WDFY2: variants seen among roughly 807,000 people sequenced by gnomAD.
WDFY2 encodes the protein WD repeat and FYVE domain-containing protein 2.
Under a neutral mutation model 56.4 loss-of-function variants are expected in WDFY2, and 36 were observed. The ratio of observed to expected loss-of-function variants is 0.64; its 90% CI spans 0.49 to 0.84. The LOEUF is 0.84. Among genes scored for constraint, WDFY2 ranks in the 40% least tolerant of loss-of-function variants. The pLI is 0.00. For missense variants in WDFY2, 444 were observed against 512.2 expected (o/e 0.87, Z 1.29); for synonymous variants, 176 against 183.7 (o/e 0.96, Z 0.34).
chr13:51,639,588 T>C (rs918680697), intron 1 of WDFY2, among the ~76,000 whole-genome samples: 1 of 152,156 alleles, frequency 6.6e-6, no homozygotes, highest in Admixed American at 6.5e-5. Context: ...TTGTGAGAAA[T>C]GGTTAGTCTT....
At chr13:51,670,821 CT>C (rs751939016) in intron 2 of WDFY2, among the ~76,000 whole-genome samples, 2 of 152,078 alleles carry the variant, frequency 1.3e-5, no homozygotes, top group African/African-American at 2.4e-5. Context: ...TTTCATGCCC[CT>C]ATCACCCGAC....
At chr13:51,737,901 G>A (rs1477531130) in intron 6 of WDFY2, among the ~76,000 whole-genome samples, 1 of 152,236 alleles carries the variant, frequency 6.6e-6, no homozygotes, top group Admixed American at 6.5e-5. Context: ...AGCATGGGGT[G>A]CAGGTTTAGG....
In WDFY2 at chr13:51,660,853, C is replaced by G. The variant is rs532768835; in HGVS notation, c.205+190C>G. Among the ~76,000 whole-genome samples the G allele has an allele frequency of 1.4e-3, 215 of 152,314 alleles. 2 individuals carry two copies. Among genetic ancestry groups the G allele is most frequent in the African/African-American group, 5.1e-3 (210 of 41,578 alleles). ...TAAGAAAATTGTTCTGAAATTGACT[C>G]TATATTCATAGCTTCTGAATAAGAT... On this transcript the variant is annotated intron_variant, in intron 2 of 11. Coordinates refer to ENST00000298125, the MANE Select transcript of WDFY2 (RefSeq NM_052950.4).
chr13:51,669,716 G>A (rs1172633114), intron 2 of WDFY2, among the ~76,000 whole-genome samples: 1 of 152,120 alleles, frequency 6.6e-6, no homozygotes, highest in Non-Finnish European at 1.5e-5. Context: ...AAAACCAGTA[G>A]CAAGGCCTTG....
intron 1 of WDFY2, among the ~76,000 whole-genome samples, chr13:51,597,734 T>C (rs565205222): frequency 5.8e-4 from 88 of 152,344 alleles, no homozygotes; most frequent in African/African-American, 1.4e-3. Context: ...ATAATCATAG[T>C]ACAAAAGAAG....
intron 4 of WDFY2, among the ~76,000 whole-genome samples, chr13:51,708,603 A>G (rs1433737902): frequency 6.6e-6 from 1 of 151,984 alleles, no homozygotes; most frequent in Non-Finnish European, 1.5e-5. Context: ...GCAGACTAAG[A>G]GGAAAAAAGG....
rs138129235 is a variant in WDFY2 at position 51,660,604 on chromosome 13, G to A, written c.146G>A (p.Arg49His). The A allele has an allele frequency of 2.1e-5, 34 of 1,613,550 alleles. 1 individual carries two copies. The highest frequency in any genetic ancestry group is 1.5e-4 in the African/African-American group (11 of 74,860). Residue 49 changes from arginine to histidine, a missense_variant, in exon 2 of 12, where the codon CGT becomes CAT. Physicochemically the swap from Arg to His is conservative, Grantham distance 29 (BLOSUM62 0). Transcript: ENST00000298125. Reference sequence around the variant, plus strand: ...ATTTTCTTCTGTTGTAGGACAGTTCGTGTTTGGTTAAAGAGAGACAGTGGA... The same window carrying A: ...ATTTTCTTCTGTTGTAGGACAGTTCATGTTTGGTTAAAGAGAGACAGTGGA... The part of the protein sequence containing the change: ...VISVSEDRTV[R>H]VWLKRDSGQY...
chr13:51,754,185 T>C (rs1048052185), intron 8 of WDFY2, among the ~76,000 whole-genome samples: 2 of 151,860 alleles, frequency 1.3e-5, no homozygotes, highest in African/African-American at 4.8e-5. Flanking sequence ...AGCTCTCCCA[T>C]CCTGCTGTTT....
chr13:51,642,294 A>G (rs1270730942), intron 1 of WDFY2, among the ~76,000 whole-genome samples: 1 of 150,486 alleles, frequency 6.6e-6, no homozygotes, highest in Non-Finnish European at 1.5e-5. Context: ...ATTTTATTTT[A>G]TTTTGTTTTT....
intron 3 of WDFY2, among the ~76,000 whole-genome samples, chr13:51,686,808 A>G (rs1956069081): frequency 6.6e-6 from 1 of 151,938 alleles, no homozygotes; most frequent in Non-Finnish European, 1.5e-5. Flanking sequence ...GTACTGTTCT[A>G]TTTTTCAGTA....
At chr13:51,652,533 T>C (rs952669499) in intron 1 of WDFY2, among the ~76,000 whole-genome samples, 36 of 152,272 alleles carry the variant, frequency 2.4e-4, no homozygotes, top group African/African-American at 8.2e-4. Flanking sequence ...GTCTTTGCAG[T>C]GGCTGGTATT....
intron 1 of WDFY2, among the ~76,000 whole-genome samples, chr13:51,657,431 A>G (rs1429546019): frequency 6.6e-6 from 1 of 152,006 alleles, no homozygotes; most frequent in Non-Finnish European, 1.5e-5. Context: ...CAGCCTGAAA[A>G]ACTCCTTTTA....
At chr13:51,647,250 G>A (rs1955279478) in intron 1 of WDFY2, among the ~76,000 whole-genome samples, 1 of 152,120 alleles carries the variant, frequency 6.6e-6, no homozygotes, top group Non-Finnish European at 1.5e-5. Context: ...AGGCAGTTTA[G>A]TCATTGTGTG....
chr13:51,754,270 C>T (rs1471756519), intron 8 of WDFY2, among the ~76,000 whole-genome samples: 4 of 152,070 alleles, frequency 2.6e-5, no homozygotes, highest in Non-Finnish European at 2.9e-5. Context: ...AAACAAAGGG[C>T]GTGTAGACTG....
chr13:51,641,825 C>CAAAAAAA (rs750489541), intron 1 of WDFY2, among the ~76,000 whole-genome samples: 1 of 37,420 alleles, frequency 2.7e-5, no homozygotes, highest in Non-Finnish European at 5.1e-5. Flanking sequence ...GACTCCGTCT[C>CAAAAAAA]AAAAAAAAAA....
chr13:51,747,938 C>A (rs1486410040), intron 7 of WDFY2, among the ~76,000 whole-genome samples: 2 of 152,196 alleles, frequency 1.3e-5, no homozygotes, highest in African/African-American at 4.8e-5. Context: ...TTTTTCAAAA[C>A]AGAGGTTCAG....
At chr13:51,674,224 G>C (rs953829564) in intron 2 of WDFY2, among the ~76,000 whole-genome samples, 1 of 152,160 alleles carries the variant, frequency 6.6e-6, no homozygotes, top group African/African-American at 2.4e-5. Context: ...ATAATAGGTA[G>C]TTCATGATCT....
At chr13:51,733,663 G>A (rs558455315) in intron 6 of WDFY2, among the ~76,000 whole-genome samples, 2 of 152,204 alleles carry the variant, frequency 1.3e-5, no homozygotes, top group Non-Finnish European at 2.9e-5. Flanking sequence ...AGCTGACTTT[G>A]TTTGGACTGG....
At position 51,767,285 on chromosome 13, in the gene WDFY2, AAAAGGAGGCATGCAGTT is replaced by A. The variant is rs1426068927; in HGVS notation, c.*7520_*7536del. 3 of 152,264 alleles carry A rather than the reference AAAAGGAGGCATGCAGTT, an allele frequency of 2.0e-5. No individual in the cohort carries two copies. The highest frequency in any genetic ancestry group is 7.2e-5 in the African/African-American group (3 of 41,468). The allele number at this position is 152,264 out of a possible 1,614,324, so 9.4% of individuals were successfully genotyped here. On this transcript the variant is annotated 3_prime_UTR_variant, in exon 12 of 12. Transcript: ENST00000298125. ...GCTGAGGCCCATCATCCTCCTGCAG[AAAAGGAGGCATGCAGTT>A]AAATGGAGCTGGTGCTTGCTTGATA...
Sources: gnomAD v4.1 joint callset for allele counts (sites outside exome capture counted in the v4.1 genomes callset) on GRCh38, gnomAD v4.1.1 for gene constraint, MANE v1.5 for transcripts, NCBI Gene and HGNC (gene_info 2026-07-23, HGNC 2026-07-21) for gene names.